The following KCNIP4 variants were observed in gnomAD, a reference collection of about 807,000 sequenced individuals.
The protein encoded by KCNIP4 is Kv channel-interacting protein 4.
KCNIP4 carries 12 observed loss-of-function variants against 34.0 expected under a neutral mutation model. That is an observed-to-expected ratio of 0.35 (90% CI 0.23 to 0.57). The LOEUF is 0.57. Ranked by LOEUF, KCNIP4 falls within the 20% of genes least tolerant of loss-of-function variation. The pLI, the probability that KCNIP4 is intolerant of heterozygous loss-of-function variation, is 0.83. For missense variants in KCNIP4, 238 were observed against 311.7 expected, an observed-to-expected ratio of 0.76 and a Z score of 1.78; for synonymous variants, 124 against 102.2, an observed-to-expected ratio of 1.21 and a Z score of -1.29.
chr4:21,382,510 A>C (rs2109480971), intron 1 of KCNIP4, among the ~76,000 whole-genome samples: 1 of 152,320 alleles, frequency 6.6e-6, no homozygotes, highest in South Asian at 2.1e-4. Context: ...GTGCACTCTC[A>C]GGGTATAATT....
intron 1 of KCNIP4, among the ~76,000 whole-genome samples, chr4:21,399,012 A>G (rs1296234438): frequency 6.6e-6 from 1 of 152,246 alleles, no homozygotes; most frequent in Non-Finnish European, 1.5e-5. Context: ...AAATAATTAC[A>G]TAGTTTAGGA....
At chr4:20,995,178 C>G (rs562193421) in intron 1 of KCNIP4, among the ~76,000 whole-genome samples, 2 of 152,208 alleles carry the variant, frequency 1.3e-5, no homozygotes, top group East Asian at 3.9e-4. Context: ...GGCTGCAAAA[C>G]AGGGTTAAAA....
chr4:21,077,531 A>G (rs559137260), intron 1 of KCNIP4, among the ~76,000 whole-genome samples: 184 of 151,760 alleles, frequency 1.2e-3, no homozygotes, highest in Non-Finnish European at 1.9e-3. Flanking sequence ...ACCAATATTC[A>G]CGTTTCATAA....
chr4:21,075,286 G>A (rs191159728), intron 1 of KCNIP4, among the ~76,000 whole-genome samples: 1 of 152,048 alleles, frequency 6.6e-6, no homozygotes, highest in Non-Finnish European at 1.5e-5. Flanking sequence ...TCTCTTTGTA[G>A]GTCTCTAAGG....
chr4:21,820,470 T>C (rs897834127), intron 1 of KCNIP4, among the ~76,000 whole-genome samples: 11 of 151,920 alleles, frequency 7.2e-5, no homozygotes, highest in Admixed American at 3.3e-4. Context: ...GTATACAAAT[T>C]TGGAGAAGCA....
chr4:21,247,592 T>TATATATATATATATATAC lies in KCNIP4; in HGVS notation c.62-364884_62-364883insGTATATATATATATATAT, dbSNP rs551818480. On this transcript the variant is annotated intron_variant, in intron 1 of 8. Transcript: ENST00000382152. ...AGATATAAATACATATATATATATA[T>TATATATATATATATATAC]ACACCACAGATGGTATATATATTTA... Among the ~76,000 whole-genome samples, 5 of 144,294 alleles carry TATATATATATATATATAC rather than the reference T, an allele frequency of 3.5e-5. No individual in the cohort carries two copies. The South Asian group carries it at 1.1e-3, about 31-fold the overall frequency. The allele number at this position is 144,294 out of a possible 152,430, so 94.7% of individuals were successfully genotyped here.
chr4:21,530,931 T>C (rs997012346), intron 1 of KCNIP4, among the ~76,000 whole-genome samples: 1 of 152,114 alleles, frequency 6.6e-6, no homozygotes. Context: ...CTGAACTATC[T>C]GCCCTGGGTC....
intron 1 of KCNIP4, among the ~76,000 whole-genome samples, chr4:21,817,694 G>T (rs548902189): frequency 6.6e-6 from 1 of 152,252 alleles, no homozygotes; most frequent in East Asian, 1.9e-4. Flanking sequence ...TTATGCAGTT[G>T]AGATAAGGAC....
At chr4:21,948,487 G>A in intron 1 of KCNIP4, 84 bp downstream of exon 1, 3 of 1,445,016 alleles carry the variant, frequency 2.1e-6, no homozygotes, top group East Asian at 4.9e-5. Flanking sequence ...GTCCCCAGCC[G>A]AGGAAGGGAA....
intron 1 of KCNIP4, among the ~76,000 whole-genome samples, chr4:21,216,210 C>T (rs1054353940): frequency 4.6e-5 from 7 of 152,196 alleles, no homozygotes; most frequent in African/African-American, 1.4e-4. Flanking sequence ...TGAGAGATAA[C>T]TCCATGGATA....
chr4:21,881,556 T>C (rs1726462771), intron 1 of KCNIP4, among the ~76,000 whole-genome samples: 1 of 152,126 alleles, frequency 6.6e-6, no homozygotes, highest in African/African-American at 2.4e-5. Flanking sequence ...ATGATTCTAG[T>C]GAATAGACTA....
intron 3 of KCNIP4, among the ~76,000 whole-genome samples, chr4:20,830,194 C>T (rs1362139749): frequency 1.3e-5 from 2 of 152,202 alleles, no homozygotes; most frequent in African/African-American, 2.4e-5. Context: ...AGGATATTTA[C>T]TCGGACAGTG....
At chr4:20,916,846 C>G (rs2149578939) in intron 1 of KCNIP4, among the ~76,000 whole-genome samples, 1 of 151,412 alleles carries the variant, frequency 6.6e-6, no homozygotes, top group South Asian at 2.1e-4. Context: ...CTCCAAAGTC[C>G]TAAACTAAAC....
intron 1 of KCNIP4, among the ~76,000 whole-genome samples, chr4:21,102,538 G>A (rs563158274): frequency 6.6e-6 from 1 of 152,114 alleles, no homozygotes; most frequent in Non-Finnish European, 1.5e-5. Context: ...CTGGATTGAG[G>A]ATATAAATTA....
chr4:21,347,369 C>G (rs556110428), intron 1 of KCNIP4, among the ~76,000 whole-genome samples: 4 of 152,186 alleles, frequency 2.6e-5, no homozygotes, highest in Non-Finnish European at 5.9e-5. Flanking sequence ...GGATATGCCA[C>G]TACTACTAGA....
intron 1 of KCNIP4, among the ~76,000 whole-genome samples, chr4:21,688,584 C>T (rs955520709): frequency 9.2e-5 from 14 of 152,200 alleles, no homozygotes; most frequent in African/African-American, 2.9e-4. Flanking sequence ...ATATACATTA[C>T]AGAATGAAGC....
chr4:21,109,019 C>T (rs1180041590), intron 1 of KCNIP4, among the ~76,000 whole-genome samples: 2 of 152,162 alleles, frequency 1.3e-5, no homozygotes, highest in Admixed American at 1.3e-4. Context: ...CTGGGGGGTG[C>T]CTCCCAGTTA....
chr4:21,686,646 TAGAG>T (rs1165668490), intron 1 of KCNIP4, among the ~76,000 whole-genome samples: 3 of 152,126 alleles, frequency 2.0e-5, no homozygotes, highest in African/African-American at 4.8e-5. Flanking sequence ...TGTGTACAGT[TAGAG>T]AGAATTCACA....
chr4:21,579,820 T>C lies in KCNIP4; in HGVS notation c.61+368751A>G, dbSNP rs78764828. On this transcript the variant is annotated intron_variant, in intron 1 of 8. Coordinates refer to ENST00000382152, the MANE Select transcript of KCNIP4 (RefSeq NM_025221.6). ...TTATTTAACTAAATGTTTCCCTTTA[T>C]CCTGACTCATGTAGCAGAACAAGAA... 8.1e-3 allele frequency among the ~76,000 whole-genome samples: 1,233 copies of C among 152,298 alleles called. 28 individuals are homozygous for C. Among genetic ancestry groups the C allele is most frequent in the South Asian group, 0.047 (227 of 4,828 alleles).
Sources: allele counts gnomAD v4.1 joint callset (sites outside exome capture counted in the v4.1 genomes callset), GRCh38; gene constraint gnomAD v4.1.1; transcripts MANE v1.5; gene names NCBI Gene and HGNC (gene_info 2026-07-23, HGNC 2026-07-21).